ORC5: variants seen among roughly 807,000 people sequenced by gnomAD.
ORC5 encodes protein phosphatase 1, regulatory subunit 117.
Under a neutral mutation model 58.8 loss-of-function variants are expected in ORC5, and 39 were observed. That is an observed-to-expected ratio of 0.66 (90% CI 0.51 to 0.87). ORC5 has a LOEUF of 0.87. ORC5 is among the 40% of genes least tolerant of loss of function. ORC5 has a pLI of 0.00. For missense variants in ORC5, 493 were observed against 506.3 expected (o/e 0.97, Z 0.25); for synonymous variants, 218 against 177.6 (o/e 1.23, Z -1.81).
intron 5 of ORC5, among the ~76,000 whole-genome samples, chr7:104,191,494 T>A (rs1251839582): frequency 6.6e-6 from 1 of 152,080 alleles, no homozygotes; most frequent in Admixed American, 6.6e-5. Flanking sequence ...TCCATCTAGG[T>A]ATTCCTTACA....
intron 5 of ORC5, among the ~76,000 whole-genome samples, chr7:104,193,844 C>T (rs1799733843): frequency 1.3e-5 from 2 of 151,520 alleles, no homozygotes; most frequent in Admixed American, 6.6e-5. Flanking sequence ...ATTAGTAAGA[C>T]CATTTTATTT....
In ORC5 at chr7:104,200,972, C is replaced by T; in HGVS notation, c.166-14G>A. The T allele has an allele frequency of 6.2e-7, 1 of 1,601,326 alleles. No individual in the cohort carries two copies. The highest frequency in any genetic ancestry group is 8.5e-7 in the Non-Finnish European group (1 of 1,170,718). ...CACATGTGGGAGCTGAAAACGAAAACCAAAACACTGTAAGTAAAGAAGAAA... is the reference window on the plus strand; with the variant it reads ...CACATGTGGGAGCTGAAAACGAAAATCAAAACACTGTAAGTAAAGAAGAAA... On this transcript the variant is annotated splice_polypyrimidine_tract_variant and intron_variant, in intron 2 of 13. Transcript: ENST00000297431.
intron 12 of ORC5, among the ~76,000 whole-genome samples, chr7:104,152,394 C>T (rs1295411973): frequency 6.6e-6 from 1 of 152,056 alleles, no homozygotes; most frequent in Admixed American, 6.6e-5. Context: ...TCCTCCTACC[C>T]CAGTCTCTCA....
chr7:104,165,566 C>T (rs1000290635), intron 10 of ORC5: 5 of 255,278 alleles, frequency 2.0e-5, no homozygotes, highest in Non-Finnish European at 3.7e-5. Context: ...TGATTTAGTT[C>T]AGCATATACA....
intron 1 of ORC5, among the ~76,000 whole-genome samples, chr7:104,205,942 A>G (rs1800071427): frequency 6.6e-6 from 1 of 152,230 alleles, no homozygotes; most frequent in African/African-American, 2.4e-5. Flanking sequence ...TGGGAGGCAG[A>G]GACTGCAGTG....
At chr7:104,180,684 T>G (rs1297145251) in intron 8 of ORC5, among the ~76,000 whole-genome samples, 1 of 152,232 alleles carries the variant, frequency 6.6e-6, no homozygotes, top group African/African-American at 2.4e-5. Context: ...TAAATTTATT[T>G]TGTAAATTGT....
At chr7:104,155,051 G>T (rs1307226364) in intron 12 of ORC5, among the ~76,000 whole-genome samples, 5 of 151,726 alleles carry the variant, frequency 3.3e-5, no homozygotes, top group Non-Finnish European at 5.9e-5. Flanking sequence ...AATTGGTTTG[G>T]ATATATCCTA....
chr7:104,193,655 T>C lies in ORC5; in HGVS notation c.553+1488A>G, dbSNP rs116583407. ...GCCCTGGTTCCACACTTAACCATAA[T>C]TTCAACTTATCAATTAATATTCCCC... On this transcript the variant is annotated intron_variant, in intron 5 of 13. Coordinates refer to ENST00000297431, the MANE Select transcript of ORC5 (RefSeq NM_002553.4). 9.6e-3 allele frequency among the ~76,000 whole-genome samples: 1,452 copies of C among 152,038 alleles called. 25 individuals are homozygous for C. Among genetic ancestry groups the C allele is most frequent in the African/African-American group, 0.033 (1,386 of 41,502 alleles).
chr7:104,179,883 G>T (rs1424445125), intron 8 of ORC5, among the ~76,000 whole-genome samples: 1 of 152,064 alleles, frequency 6.6e-6, no homozygotes, highest in Non-Finnish European at 1.5e-5. Flanking sequence ...CTTGATTGAG[G>T]TGATAACTCT....
intron 5 of ORC5, among the ~76,000 whole-genome samples, chr7:104,189,624 G>A (rs932336890): frequency 2.0e-5 from 3 of 152,114 alleles, no homozygotes; most frequent in Non-Finnish European, 2.9e-5. Context: ...AATCCTAAAT[G>A]ATGAGGTTCT....
At chr7:104,186,930 G>A (rs7795570) in intron 6 of ORC5, among the ~76,000 whole-genome samples, 102,454 of 151,990 alleles carry the variant, frequency 0.67, 35,240 homozygotes, top group Non-Finnish European at 0.75. Context: ...AGTGAAACTC[G>A]AAGAACTTTA....
chr7:104,152,345 T>G (rs535414386), intron 12 of ORC5, among the ~76,000 whole-genome samples: 55 of 152,256 alleles, frequency 3.6e-4, no homozygotes, highest in African/African-American at 1.2e-3. Flanking sequence ...GGTCTCACTA[T>G]GTTGCCCAGG....
intron 12 of ORC5, among the ~76,000 whole-genome samples, chr7:104,145,770 T>C (rs1018420618): frequency 6.6e-6 from 1 of 151,916 alleles, no homozygotes; most frequent in African/African-American, 2.4e-5. Context: ...AGAAACAATA[T>C]AGAGGGTGCG....
intron 8 of ORC5, among the ~76,000 whole-genome samples, chr7:104,169,698 G>A (rs995074032): frequency 6.6e-6 from 1 of 152,098 alleles, no homozygotes; most frequent in Non-Finnish European, 1.5e-5. Context: ...GGCCTTCTTT[G>A]AGTATACTTT....
At chr7:104,132,735 A>G (rs1296721867) in intron 13 of ORC5, among the ~76,000 whole-genome samples, 1 of 152,218 alleles carries the variant, frequency 6.6e-6, no homozygotes, top group African/African-American at 2.4e-5. Flanking sequence ...CTTGTATTCT[A>G]GAAAGAAAGA....
intron 6 of ORC5, 34 bp downstream of exon 6, chr7:104,188,217 C>CACACATATAT: frequency 8.5e-7 from 1 of 1,178,246 alleles, no homozygotes; most frequent in African/African-American, 1.5e-5. Flanking sequence ...CACACACACA[C>CACACATATAT]ATATATATAT....
intron 13 of ORC5, among the ~76,000 whole-genome samples, chr7:104,128,386 G>A (rs547435947): frequency 5.3e-4 from 81 of 152,290 alleles, no homozygotes; most frequent in African/African-American, 1.9e-3. Flanking sequence ...GCCTCCCAAA[G>A]TGCTAGGATC....
intron 6 of ORC5, among the ~76,000 whole-genome samples, chr7:104,185,666 T>C (rs1343407546): frequency 6.6e-6 from 1 of 152,200 alleles, no homozygotes; most frequent in Non-Finnish European, 1.5e-5. Flanking sequence ...CTCTATGTAT[T>C]CTAAAGTTTG....
intron 4 of ORC5, among the ~76,000 whole-genome samples, chr7:104,195,815 T>C (rs1337164494): frequency 2.0e-5 from 3 of 152,220 alleles, no homozygotes; most frequent in African/African-American, 7.2e-5. Context: ...AAGCATTTTA[T>C]AAAATCAGTT....
Sources: allele counts gnomAD v4.1 joint callset (sites outside exome capture counted in the v4.1 genomes callset), GRCh38; gene constraint gnomAD v4.1.1; transcripts MANE v1.5; gene names NCBI Gene and HGNC (gene_info 2026-07-23, HGNC 2026-07-21).